CSPP1: variants seen among roughly 807,000 people sequenced by gnomAD.
CSPP1 encodes the protein centrosome and spindle pole-associated protein 1.
In CSPP1, 126 loss-of-function variants were observed where a neutral mutation model predicts 164.4. The ratio of observed to expected loss-of-function variants is 0.77; its 90% CI spans 0.66 to 0.89. The LOEUF (loss-of-function observed/expected upper bound fraction) is 0.89, where lower values mean the gene tolerates loss of function less well. Among genes scored for constraint, CSPP1 ranks in the 40% least tolerant of loss-of-function variants. The pLI is 0.00. For missense variants in CSPP1, 1,395 were observed against 1,449.8 expected (o/e 0.96, Z 0.61); for synonymous variants, 472 against 476.7 (o/e 0.99, Z 0.13).
chr8:67,192,074 T>TG (rs199654394), intron 29 of CSPP1, among the ~76,000 whole-genome samples: 4,783 of 144,058 alleles, frequency 0.033, 106 homozygotes, highest in Non-Finnish European at 0.048. Flanking sequence ...TTGTTTTTTT[T>TG]TTTGTTTTTT....
At chr8:67,169,614 A>G (rs1830101848) in intron 24 of CSPP1, among the ~76,000 whole-genome samples, 1 of 151,418 alleles carries the variant, frequency 6.6e-6, no homozygotes, top group Admixed American at 6.6e-5. Flanking sequence ...TAATTTTTGT[A>G]TTTTTAGTAG....
chr8:67,146,680 C>T (rs1586504646), intron 17 of CSPP1, among the ~76,000 whole-genome samples: 1 of 152,144 alleles, frequency 6.6e-6, no homozygotes, highest in East Asian at 1.9e-4. Flanking sequence ...ATATCTCAGC[C>T]CTTCACAAAA....
Position 67,095,500 on chromosome 8 carries a change from A to G in CSPP1, c.691A>G (p.Ile231Val). 5 of 1,613,674 alleles carry G rather than the reference A, an allele frequency of 3.1e-6. No homozygotes were observed. The highest frequency in any genetic ancestry group is 4.2e-6 in the Non-Finnish European group (5 of 1,179,842). Reference protein sequence around the residue: ...DDEIELRNRRIIKKANEEVGI... With the variant: ...DDEIELRNRRVIKKANEEVGI... ...TGAAATCGAATTAAGGAATAGAAGA[A>G]TTATTAAAAAAGCAAATGAAGAAGT... is the stretch of plus-strand genomic sequence containing the variant. Residue 231 changes from isoleucine (I) to valine (V), a missense_variant, in exon 7 of 31, where the codon ATT becomes GTT. By Grantham distance (29) the Ile-to-Val change is conservative. Coordinates refer to ENST00000678616, the MANE Select transcript of CSPP1 (RefSeq NM_001382391.1).
At position 67,192,364 on chromosome 8, in the gene CSPP1, C is replaced by T. The variant is rs908698969; in HGVS notation, c.3331-1100C>T. 6.6e-5 allele frequency among the ~76,000 whole-genome samples: 10 copies of T among 152,224 alleles called. 1 individual carries two copies. Among genetic ancestry groups the T allele is most frequent in the East Asian group, 5.8e-4 (3 of 5,182 alleles). ...TGCTAGGATTACAGGCATGAGCCACCGCGCCCAGCCCTTTGTCCATTTTCA... is the reference window on the plus strand; with the variant it reads ...TGCTAGGATTACAGGCATGAGCCACTGCGCCCAGCCCTTTGTCCATTTTCA... On this transcript the variant is annotated intron_variant, in intron 29 of 30. Transcript: ENST00000678616.
At chr8:67,172,368 C>T in intron 24 of CSPP1, 48 bp from the exon 25 acceptor site, 1 of 1,483,410 alleles carries the variant, frequency 6.7e-7, no homozygotes, top group South Asian at 1.2e-5. Context: ...TGTGAACTCA[C>T]CTATTTTTCC....
At position 67,158,546 on chromosome 8, in the gene CSPP1, C is replaced by G; in HGVS notation, c.2341C>G (p.Gln781Glu). 1 of 1,611,548 alleles carries G rather than the reference C, an allele frequency of 6.2e-7. No homozygotes were observed. The highest frequency in any genetic ancestry group is 1.1e-5 in the South Asian group (1 of 90,710). ...GCTTGCAGAACAGAGGGCACGAATTCAGCAGGAGTATGAAGAGGAACAGGA... is the reference window on the plus strand; with the variant it reads ...GCTTGCAGAACAGAGGGCACGAATTGAGCAGGAGTATGAAGAGGAACAGGA... ...RRLAEQRARIQQEYEEEQEKK... is the reference protein window; with the variant it reads ...RRLAEQRARIEQEYEEEQEKK... Residue 781 changes from glutamine (Q) to glutamate (E), a missense_variant, in exon 20 of 31, where the codon CAG becomes GAG. Transcript: ENST00000678616.
At chr8:67,173,179 T>G (rs1029301890) in intron 25 of CSPP1, among the ~76,000 whole-genome samples, 10 of 152,034 alleles carry the variant, frequency 6.6e-5, no homozygotes, top group Non-Finnish European at 2.9e-5. Context: ...GTCCTTAGAA[T>G]GTGAACGTGA....
In CSPP1 at chr8:67,141,939, T is replaced by C. The variant is rs536128607; in HGVS notation, c.1975+4336T>C. Among the ~76,000 whole-genome samples the C allele has an allele frequency of 3.9e-5, 6 of 152,360 alleles. No individual in the cohort carries two copies. In the South Asian group the frequency reaches 1.2e-3, roughly 32 times the overall value. On this transcript the variant is annotated intron_variant, in intron 17 of 30. Transcript: ENST00000678616. ...GGCTAACTTTAATTCTGCTGCTGAC[T>C]TTTCTAATTACTCCTGTTCTTTTTT...
At chr8:67,066,401 C>T (rs1805554182) in intron 1 of CSPP1, among the ~76,000 whole-genome samples, 1 of 152,070 alleles carries the variant, frequency 6.6e-6, no homozygotes, top group African/African-American at 2.4e-5. Context: ...TTGTCCCTCC[C>T]TTTCTTCTAA....
chr8:67,163,625 G>T (rs1322009680), intron 22 of CSPP1, 107 bp from the exon 23 acceptor site: 2 of 716,434 alleles, frequency 2.8e-6, no homozygotes, highest in African/African-American at 1.8e-5. Context: ...GTAGGATAGT[G>T]TGGAGTTTGG....
intron 16 of CSPP1, among the ~76,000 whole-genome samples, 178 bp downstream of exon 16, chr8:67,132,258 G>T (rs1253499089): frequency 1.3e-5 from 2 of 152,194 alleles, no homozygotes; most frequent in Non-Finnish European, 2.9e-5. Context: ...GAAAATAATT[G>T]CCTGGGGCAG....
At chr8:67,131,412 T>G (rs1821210792) in intron 15 of CSPP1, among the ~76,000 whole-genome samples, 1 of 152,194 alleles carries the variant, frequency 6.6e-6, no homozygotes, top group Non-Finnish European at 1.5e-5. Flanking sequence ...AACAGCACTT[T>G]ATTGCTTGTG....
chr8:67,125,685 T>C (rs947654834), intron 15 of CSPP1, among the ~76,000 whole-genome samples: 2 of 152,214 alleles, frequency 1.3e-5, no homozygotes, highest in African/African-American at 4.8e-5. Context: ...TTCAAGTTCA[T>C]TGATTGTTTC....
chr8:67,083,541 AAAAAAAAAT>A (rs1476953376), intron 3 of CSPP1: 1 of 133,702 alleles, frequency 7.5e-6, no homozygotes, highest in East Asian at 2.1e-4. Context: ...CAAAAAAAAA[AAAAAAAAAT>A]ATATATATAT....
intron 30 of CSPP1, among the ~76,000 whole-genome samples, chr8:67,194,006 CCTT>C (rs1432813555): frequency 7.2e-5 from 11 of 152,274 alleles, no homozygotes; most frequent in East Asian, 3.9e-4. Flanking sequence ...AAAATTTTTA[CCTT>C]CTTCTTTGGC....
At chr8:67,073,572 A>G (rs1032548070) in intron 1 of CSPP1, among the ~76,000 whole-genome samples, 2 of 152,226 alleles carry the variant, frequency 1.3e-5, no homozygotes, top group Admixed American at 1.3e-4. Context: ...AAAGGCTGCT[A>G]TTGAGTCAGT....
intron 28 of CSPP1, among the ~76,000 whole-genome samples, chr8:67,186,531 G>T (rs1027185122): frequency 1.1e-4 from 16 of 151,944 alleles, no homozygotes; most frequent in African/African-American, 3.9e-4. Context: ...GAATAGAGGG[G>T]GAACTTCTGC....
chr8:67,156,037 A>G (rs567442639), intron 19 of CSPP1, among the ~76,000 whole-genome samples: 2 of 152,332 alleles, frequency 1.3e-5, no homozygotes, highest in South Asian at 4.1e-4. Context: ...TATATTGACC[A>G]TGACAGCAGG....
In CSPP1 at chr8:67,154,074, G is replaced by A. The variant is rs1191542792; in HGVS notation, c.2179G>A (p.Glu727Lys). The change falls in exon 19 of 31, where the codon GAG becomes AAG. Residue 727 changes from glutamate (E) to lysine (K), a missense_variant. Transcript: ENST00000678616. The stretch of plus-strand genomic sequence containing the variant: ...TTTTGCTCGGGGAAATGTATTTGGT[G>A]AGCCTCCAACTGAACTTCAGATTAA... ...SPFARGNVFG[E>K]PPTELQIKQQ... is the part of the protein sequence containing the mutation. The A allele has an allele frequency of 1.2e-6, 2 of 1,607,656 alleles. No homozygotes were observed. Among genetic ancestry groups the A allele is most frequent in the South Asian group, 2.2e-5 (2 of 90,766 alleles).
Sources: allele counts gnomAD v4.1 joint callset (sites outside exome capture counted in the v4.1 genomes callset), GRCh38; gene constraint gnomAD v4.1.1; transcripts MANE v1.5; gene names NCBI Gene and HGNC (gene_info 2026-07-23, HGNC 2026-07-21).